NUP58: variants seen among roughly 807,000 people sequenced by gnomAD.
NUP58 encodes nucleoporin 58, also known as nucleoporin p58/p45.
A neutral mutation model predicts 70.1 loss-of-function variants in NUP58; 17 were observed. That is an observed-to-expected ratio of 0.24 (90% CI 0.17 to 0.36). The LOEUF is 0.36. Among genes scored for constraint, NUP58 ranks in the 10% least tolerant of loss-of-function variants. NUP58 has a pLI of 1.00. For synonymous variants in NUP58, 275 were observed against 257.6 expected (o/e 1.07, Z -0.65); for missense variants, 644 against 701.5 (o/e 0.92, Z 0.93).
chr13:25,347,283 G>A (rs931251437), downstream of NUP58, among the ~76,000 whole-genome samples: 3 of 152,138 alleles, frequency 2.0e-5, no homozygotes, highest in African/African-American at 7.2e-5. Context: ...TGAGTGAAGA[G>A]AATACCTTTC....
At chr13:25,326,560 G>A (rs2031401695) in intron 10 of NUP58, among the ~76,000 whole-genome samples, 1 of 152,068 alleles carries the variant, frequency 6.6e-6, no homozygotes, top group Non-Finnish European at 1.5e-5. Context: ...GTAGTACAGA[G>A]AATTTATTTA....
At chr13:25,339,564 T>C (rs1284139417) in intron 15 of NUP58, among the ~76,000 whole-genome samples, 2 of 152,242 alleles carry the variant, frequency 1.3e-5, no homozygotes, top group Non-Finnish European at 1.5e-5. Context: ...GTTGAAGCTT[T>C]CCTGGAGGAC....
intron 13 of NUP58, chr13:25,332,787 A>G (rs9551194): frequency 0.96 from 945,343 of 985,262 alleles, 463,400 homozygotes; most frequent in Non-Finnish European, 1. Context: ...GTAGGATTGC[A>G]TTGTTAAGTT....
At chr13:25,309,581 A>G (rs1390905744) in intron 3 of NUP58, among the ~76,000 whole-genome samples, 3 of 152,204 alleles carry the variant, frequency 2.0e-5, no homozygotes, top group African/African-American at 7.2e-5. Flanking sequence ...TAGTGGAAAA[A>G]ACACCAAACT....
intron 3 of NUP58, chr13:25,309,496 AG>A (rs2030547027): frequency 2.3e-6 from 1 of 427,656 alleles, no homozygotes; most frequent in Middle Eastern, 5.9e-4. Flanking sequence ...AATTCAGAAA[AG>A]TATTTTAAAT....
chr13:25,339,922 G>T, intron 15 of NUP58, 43 bp from the exon 16 acceptor site: 2 of 1,484,588 alleles, frequency 1.3e-6, no homozygotes, highest in Non-Finnish European at 1.8e-6. Context: ...TTTGTTTTTG[G>T]AATTCAACTT....
intron 1 of NUP58, among the ~76,000 whole-genome samples, chr13:25,302,331 CTT>C (rs950935000): frequency 2.0e-5 from 3 of 152,148 alleles, no homozygotes; most frequent in Non-Finnish European, 2.9e-5. Flanking sequence ...GTTTTAATAA[CTT>C]TGTGGTTTTT....
At chr13:25,326,424 A>G (rs538844117) in intron 10 of NUP58, among the ~76,000 whole-genome samples, 2 of 151,996 alleles carry the variant, frequency 1.3e-5, no homozygotes, top group Non-Finnish European at 2.9e-5. Flanking sequence ...GTAGTATACT[A>G]TGGTGTTCTC....
Position 25,307,211 on chromosome 13 carries a change from A to ATTTTTTT in NUP58, c.108-580_108-574dup, listed in dbSNP as rs72132780. On this transcript the variant is annotated intron_variant, in intron 1 of 15. Coordinates refer to ENST00000381736, the MANE Select transcript of NUP58 (RefSeq NM_014089.4). ...TGCTTTTCTTGAAATCTGGTATTGT[A>ATTTTTTT]TTTTTTTTTTTTTTTTTTTTTGAGA... Among the ~76,000 whole-genome samples, 70 of 98,546 alleles carry ATTTTTTT rather than the reference A, an allele frequency of 7.1e-4. 4 individuals are homozygous for ATTTTTTT. The highest frequency in any genetic ancestry group is 9.2e-4 in the East Asian group (3 of 3,250). 64.7% of individuals were successfully genotyped at this position (98,546 alleles called of 152,430 possible).
At chr13:25,349,428 A>G (rs1312482413) in intron 3 of NUP58, 1 of 152,398 alleles carries the variant, frequency 6.6e-6, no homozygotes, top group Non-Finnish European at 1.5e-5. Flanking sequence ...ATAAGAATCC[A>G]TCTTATAGGT....
chr13:25,339,688 A>C (rs1195979467), intron 15 of NUP58, among the ~76,000 whole-genome samples: 1 of 152,190 alleles, frequency 6.6e-6, no homozygotes, highest in African/African-American at 2.4e-5. Context: ...TTAACAGGAA[A>C]GTTTCTGGCA....
intron 2 of NUP58, 69 bp from the exon 3 acceptor site, chr13:25,309,178 T>C: frequency 8.4e-7 from 1 of 1,196,494 alleles, no homozygotes; most frequent in South Asian, 1.2e-5. Flanking sequence ...GTCTTTCCCT[T>C]ATGACAGGTA....
chr13:25,334,129 C>T (rs947106171), intron 13 of NUP58: 10 of 985,042 alleles, frequency 1.0e-5, no homozygotes, highest in Non-Finnish European at 9.6e-6. Context: ...ATTGAAAATC[C>T]AGCAGGCTAT....
downstream of NUP58, among the ~76,000 whole-genome samples, chr13:25,345,378 A>G (rs1226313884): frequency 2.3e-5 from 1 of 42,776 alleles, no homozygotes; most frequent in Non-Finnish European, 6.0e-5. Flanking sequence ...GGAAACTACA[A>G]GTATGTGATA....
chr13:25,319,420 G>A, intron 7 of NUP58, 70 bp downstream of exon 7: 1 of 1,402,446 alleles, frequency 7.1e-7, no homozygotes, highest in Non-Finnish European at 1.0e-6. Flanking sequence ...TAGGCAGATG[G>A]TATAATTGAA....
At chr13:25,323,051 G>C (rs1212667026) in intron 9 of NUP58, among the ~76,000 whole-genome samples, 1 of 152,150 alleles carries the variant, frequency 6.6e-6, no homozygotes, top group East Asian at 1.9e-4. Flanking sequence ...ATTCACCGCT[G>C]TTTGTGGAGT....
intron 1 of NUP58, among the ~76,000 whole-genome samples, chr13:25,303,648 C>G (rs987678426): frequency 6.6e-6 from 1 of 152,030 alleles, no homozygotes; most frequent in Non-Finnish European, 1.5e-5. Flanking sequence ...TTTCCATTCT[C>G]CTAGTACTCT....
rs2030439567 is a variant in NUP58, at chr13:25,307,684, T to TA, written c.108-121dup. The stretch of plus-strand genomic sequence containing the variant: ...TTGGGTCCTATGACAATGTATTAGA[T>TA]ATGTTATGTGAATGAAATTATCTTG... On this transcript the variant is annotated intron_variant, in intron 1 of 15. Coordinates refer to ENST00000381736, the MANE Select transcript of NUP58 (RefSeq NM_014089.4). 6 of 889,948 alleles carry TA rather than the reference T, an allele frequency of 6.7e-6. No homozygotes were observed. The Admixed American group carries it at 1.3e-4, about 20-fold the overall frequency. 55.1% of individuals were successfully genotyped at this position (889,948 alleles called of 1,614,324 possible).
chr13:25,336,332 TAATAA>T (rs762504463), intron 13 of NUP58: 16 of 1,079,082 alleles, frequency 1.5e-5, no homozygotes, highest in Non-Finnish European at 2.1e-5. Flanking sequence ...ACAATAAATT[TAATAA>T]AATAAAACAT....
Sources: allele counts gnomAD v4.1 joint callset (sites outside exome capture counted in the v4.1 genomes callset), GRCh38; gene constraint gnomAD v4.1.1; transcripts MANE v1.5; gene names NCBI Gene and HGNC (gene_info 2026-07-23, HGNC 2026-07-21).